CCDC85C: variants seen among roughly 807,000 people sequenced by gnomAD.
CCDC85C encodes the protein coiled-coil domain-containing protein 85C.
CCDC85C carries 18 observed loss-of-function variants against 38.3 expected under a neutral mutation model. The ratio of observed to expected loss-of-function variants is 0.47; its 90% CI spans 0.33 to 0.70. CCDC85C has a LOEUF of 0.70. Ranked by LOEUF, CCDC85C falls within the 30% of genes least tolerant of loss-of-function variation. The pLI, the probability that CCDC85C is intolerant of heterozygous loss-of-function variation, is 0.03. For synonymous variants in CCDC85C, 264 were observed against 293.8 expected, an observed-to-expected ratio of 0.90 and a Z score of 1.04; for missense variants, 566 against 621.2, an observed-to-expected ratio of 0.91 and a Z score of 0.94.
intron 1 of CCDC85C, among the ~76,000 whole-genome samples, chr14:99,560,947 C>T (rs143250009): frequency 5.3e-5 from 8 of 152,358 alleles, no homozygotes; most frequent in Non-Finnish European, 8.8e-5. Flanking sequence ...CCACAGGGAG[C>T]CTTGCCAGGG....
chr14:99,580,062 G>C, intron 1 of CCDC85C: 1 of 455,680 alleles, frequency 2.2e-6, no homozygotes, highest in Non-Finnish European at 4.4e-6. Context: ...CCTTCCTCTT[G>C]GTCTCACATT....
intron 1 of CCDC85C, among the ~76,000 whole-genome samples, chr14:99,581,293 C>T (rs1007079358): frequency 1.3e-5 from 2 of 152,226 alleles, no homozygotes; most frequent in Non-Finnish European, 2.9e-5. Context: ...CCCAGAGCCC[C>T]GTGAACAGAC....
At chr14:99,593,810 C>T (rs922482232) in intron 1 of CCDC85C, among the ~76,000 whole-genome samples, 4 of 152,220 alleles carry the variant, frequency 2.6e-5, no homozygotes, top group African/African-American at 9.6e-5. Context: ...TTCACAGCCT[C>T]CAATGACACC....
intron 1 of CCDC85C, among the ~76,000 whole-genome samples, chr14:99,564,055 G>A (rs781747792): frequency 1.7e-4 from 26 of 152,256 alleles, no homozygotes; most frequent in Admixed American, 5.2e-4. Flanking sequence ...CAGGTGGTGG[G>A]ATTGCTGGTT....
Position 99,572,150 on chromosome 14 carries a change from G to A in CCDC85C, c.793+31017C>T, listed in dbSNP as rs941560. ...CCCACATACCCTCCCAAGCCTGAGG[G>A]CTCAAATTCACAGGGTGGTGGTCCC... On this transcript the variant is annotated intron_variant, in intron 1 of 5. Coordinates refer to ENST00000380243, the MANE Select transcript of CCDC85C (RefSeq NM_001144995.2). The surrounding 1 kb of genome is among the most constrained non-coding windows in gnomAD (Gnocchi z 4.4). Among the ~76,000 whole-genome samples, 110,992 of 152,024 alleles carry A rather than the reference G, an allele frequency of 0.73. 41,183 individuals carry two copies. Among genetic ancestry groups the A allele is most frequent in the South Asian group, 0.85 (4,107 of 4,820 alleles).
chr14:99,543,662 A>C (rs1003611078), intron 1 of CCDC85C, among the ~76,000 whole-genome samples: 2 of 152,302 alleles, frequency 1.3e-5, no homozygotes, highest in East Asian at 1.9e-4. Flanking sequence ...GCCTGAGCAA[A>C]GGCAGGGAGG....
At chr14:99,568,037 G>C (rs1357833665) in intron 1 of CCDC85C, among the ~76,000 whole-genome samples, 1 of 151,950 alleles carries the variant, frequency 6.6e-6, no homozygotes, top group African/African-American at 2.4e-5. Context: ...AACTGAAGCA[G>C]GTCTAGATGC....
intron 2 of CCDC85C, among the ~76,000 whole-genome samples, chr14:99,534,351 C>T (rs1897551136): frequency 6.7e-6 from 1 of 149,756 alleles, no homozygotes; most frequent in South Asian, 2.1e-4. Flanking sequence ...AGCTAAATTC[C>T]ATCTCAAAAA....
intron 1 of CCDC85C, chr14:99,579,923 G>A (rs1335060059): frequency 4.7e-5 from 16 of 341,956 alleles, no homozygotes; most frequent in South Asian, 2.0e-4. Context: ...GCCCACCCCC[G>A]TCTGGCTCAG....
At chr14:99,521,342 C>T (rs1008137601) in intron 3 of CCDC85C, among the ~76,000 whole-genome samples, 3 of 152,234 alleles carry the variant, frequency 2.0e-5, no homozygotes, top group Admixed American at 6.5e-5. Context: ...AAAGAGAAAT[C>T]GCAGAGCCAG....
chr14:99,522,579 C>T lies in CCDC85C; in HGVS notation c.868-339G>A, dbSNP rs537141906. The T allele has an allele frequency of 4.3e-5, 9 of 207,652 alleles. No individual in the cohort carries two copies. The East Asian group carries it at 8.1e-4, about 19-fold the overall frequency. 12.9% of individuals were successfully genotyped at this position (207,652 alleles called of 1,614,324 possible). ...ACCCCGTGACTCACCCTGGCTCCTCCGCTCCAACTTCCTGCCCTTGGGTCC... is the reference window on the plus strand; with the variant it reads ...ACCCCGTGACTCACCCTGGCTCCTCTGCTCCAACTTCCTGCCCTTGGGTCC... On this transcript the variant is annotated intron_variant, in intron 2 of 5. Transcript: ENST00000380243.
At chr14:99,531,742 G>A (rs1222437772) in intron 2 of CCDC85C, among the ~76,000 whole-genome samples, 1 of 152,066 alleles carries the variant, frequency 6.6e-6, no homozygotes, top group Non-Finnish European at 1.5e-5. Context: ...CGCAGAGGTG[G>A]GGGTTTCTGT....
rs774917218 is a variant in CCDC85C, at chr14:99,519,719, A to G, written c.975+2414T>C. On this transcript the variant is annotated intron_variant, in intron 3 of 5. Coordinates refer to ENST00000380243, the MANE Select transcript of CCDC85C (RefSeq NM_001144995.2). ...CCACACAATGGAATAGTATTCAGCC[A>G]TGAAAAGCAATGAAGACCAATACAG... Among the ~76,000 whole-genome samples the G allele has an allele frequency of 5.4e-4, 82 of 152,272 alleles. 2 individuals are homozygous for G. The highest frequency in any genetic ancestry group is 7.2e-4 in the Non-Finnish European group (49 of 68,042).
At position 99,604,003 on chromosome 14, in the gene CCDC85C, GGCGCTTCCCCGCGCC is replaced by G; in HGVS notation, c.-59_-45del. ...GCATCGCCCTCGCCCTCGCCCGGCC[GGCGCTTCCCCGCGCC>G]GGGGCTCCGCTGGGCCGGTCCGCGC... On this transcript the variant is annotated 5_prime_UTR_variant, in exon 1 of 6. Transcript: ENST00000380243. The G allele has an allele frequency of 8.4e-7, 1 of 1,194,930 alleles. No homozygotes were observed. The highest frequency in any genetic ancestry group is 1.0e-6 in the Non-Finnish European group (1 of 965,818). The allele number at this position is 1,194,930 out of a possible 1,614,324, so 74.0% of individuals were successfully genotyped here.
At chr14:99,600,352 T>A (rs1006197332) in intron 1 of CCDC85C, among the ~76,000 whole-genome samples, 2 of 152,112 alleles carry the variant, frequency 1.3e-5, no homozygotes, top group African/African-American at 4.8e-5. Context: ...CCAGTATACA[T>A]GGAGGAGCTG....
chr14:99,506,766 G>A lies in CCDC85C; in HGVS notation c.*8480C>T, dbSNP rs1445008229. 6 of 379,988 alleles carry A rather than the reference G, an allele frequency of 1.6e-5. No homozygotes were observed. The highest frequency in any genetic ancestry group is 3.0e-5 in the Non-Finnish European group (6 of 198,740). The allele number at this position is 379,988 out of a possible 1,614,324, so 23.5% of individuals were successfully genotyped here. Reference sequence around the variant, plus strand: ...CAGATAGGTCATACATGCTCATGAAGACGTTGCTCTGCTGGTCTCACATGG... The same window carrying A: ...CAGATAGGTCATACATGCTCATGAAAACGTTGCTCTGCTGGTCTCACATGG... On this transcript the variant is annotated 3_prime_UTR_variant, in exon 6 of 6. Transcript: ENST00000380243.
At position 99,513,392 on chromosome 14, in the gene CCDC85C, C is replaced by T. The variant is rs1330450437; in HGVS notation, c.*1854G>A. On this transcript the variant is annotated 3_prime_UTR_variant, in exon 6 of 6. Transcript: ENST00000380243. ...TGAGCAGCAGGTGTTCACCCAACTT[C>T]ACGTGTACACCCCTAGTGACCGGGA... 1.3e-5 allele frequency: 2 copies of T among 152,244 alleles called. No individual in the cohort carries two copies. Among genetic ancestry groups the T allele is most frequent in the Non-Finnish European group, 2.9e-5 (2 of 68,048 alleles). The allele number at this position is 152,244 out of a possible 1,614,324, so 9.4% of individuals were successfully genotyped here.
chr14:99,527,140 A>G (rs1163530887), intron 2 of CCDC85C, among the ~76,000 whole-genome samples: 1 of 152,222 alleles, frequency 6.6e-6, no homozygotes, highest in African/African-American at 2.4e-5. Flanking sequence ...GAGGGCACGC[A>G]GGAGGTTTGT....
At chr14:99,592,768 A>G (rs952242870) in intron 1 of CCDC85C, among the ~76,000 whole-genome samples, 3 of 152,244 alleles carry the variant, frequency 2.0e-5, no homozygotes, top group Non-Finnish European at 4.4e-5. Flanking sequence ...GCTTTGGACC[A>G]GGAAACGTGA....
Sources: gnomAD v4.1 joint callset for allele counts (sites outside exome capture counted in the v4.1 genomes callset) on GRCh38, gnomAD v4.1.1 for gene constraint, Gnocchi (gnomAD v3.1) non-coding constraint, MANE v1.5 for transcripts, NCBI Gene and HGNC (gene_info 2026-07-23, HGNC 2026-07-21) for gene names.